The following IL1RAPL2 variants were observed in gnomAD, a reference collection of about 807,000 sequenced individuals.
IL1RAPL2 encodes the protein X-linked interleukin-1 receptor accessory protein-like 2.
IL1RAPL2 carries 3 observed loss-of-function variants against 44.1 expected under a neutral mutation model. The observed-to-expected ratio is 0.07, with a 90% CI of 0.03 to 0.18. The LOEUF (loss-of-function observed/expected upper bound fraction) is 0.18. IL1RAPL2 is among the 10% of genes least tolerant of loss of function. The probability of loss-of-function intolerance (pLI) is 1.00; values close to 1 mark genes in which losing one functional copy is unlikely to be tolerated. For missense variants in IL1RAPL2, 391 were observed against 496.4 expected (o/e 0.79, Z 2.02); for synonymous variants, 181 against 178.8 (o/e 1.01, Z -0.10).
At chrX:105,678,746 C>T (rs1000585106) in intron 6 of IL1RAPL2, among the ~76,000 whole-genome samples, 3 of 111,038 alleles carry the variant, frequency 2.7e-5, no homozygotes, top group South Asian at 3.7e-4. Context: ...AATTGCAACC[C>T]CCACCCAATC....
At chrX:105,471,737 T>G (rs2036167332) in intron 5 of IL1RAPL2, among the ~76,000 whole-genome samples, 1 of 111,357 alleles carries the variant, frequency 9.0e-6, no homozygotes, top group African/African-American at 3.3e-5. Flanking sequence ...GCCTTCATGT[T>G]AAAAGCATAG....
chrX:104,751,728 G>T (rs773850367), intron 2 of IL1RAPL2, among the ~76,000 whole-genome samples: 18 of 110,866 alleles, frequency 1.6e-4, no homozygotes, highest in Admixed American at 6.7e-4. Flanking sequence ...TGTATGCCAG[G>T]GTTAATATGA....
chrX:104,962,680 G>T (rs997137622), intron 2 of IL1RAPL2, among the ~76,000 whole-genome samples: 23 of 112,068 alleles, frequency 2.1e-4, no homozygotes, highest in African/African-American at 7.5e-4. Context: ...TCCTTTCCTG[G>T]GAGAAGACAC....
chrX:105,244,563 A>G (rs1191853658), intron 4 of IL1RAPL2, among the ~76,000 whole-genome samples: 1 of 110,974 alleles, frequency 9.0e-6, no homozygotes, highest in Non-Finnish European at 1.9e-5. Flanking sequence ...AAAACAGAAA[A>G]CCATGGAGCT....
chrX:104,581,733 C>T lies in IL1RAPL2; in HGVS notation c.-20+14682C>T, dbSNP rs1481570385. On this transcript the variant is annotated intron_variant, in intron 1 of 10. Transcript: ENST00000372582. ...CTAAGAACCCGATAGGCTTCATATACTATACTATTCGCTGGGAACTTCTGA... is the reference window on the plus strand; with the variant it reads ...CTAAGAACCCGATAGGCTTCATATATTATACTATTCGCTGGGAACTTCTGA... 2.7e-5 allele frequency among the ~76,000 whole-genome samples: 3 copies of T among 111,323 alleles called. No individual in the cohort carries two copies. The Admixed American group carries it at 2.9e-4, about 11-fold the overall frequency.
At chrX:104,748,983 C>A (rs1462793207) in intron 2 of IL1RAPL2, among the ~76,000 whole-genome samples, 3 of 110,209 alleles carry the variant, frequency 2.7e-5, no homozygotes, top group Non-Finnish European at 3.8e-5. Context: ...AAGGAGAAGG[C>A]AAATTGAGGA....
At chrX:105,163,430 A>G (rs547837331) in intron 2 of IL1RAPL2, among the ~76,000 whole-genome samples, 2 of 112,014 alleles carry the variant, frequency 1.8e-5, no homozygotes, top group South Asian at 7.5e-4. Context: ...GGTTTCTTCC[A>G]TTTATCTTCT....
At chrX:104,908,186 C>T (rs1299079442) in intron 2 of IL1RAPL2, among the ~76,000 whole-genome samples, 10 of 111,471 alleles carry the variant, frequency 9.0e-5, no homozygotes, top group Non-Finnish European at 1.1e-4. Context: ...TTATTTTGAG[C>T]CTATGTGTGT....
intron 2 of IL1RAPL2, among the ~76,000 whole-genome samples, chrX:105,174,214 C>G (rs2033452259): frequency 9.0e-6 from 1 of 111,475 alleles, no homozygotes; most frequent in African/African-American, 3.3e-5. Context: ...CTCATTCACC[C>G]TCATTCATCA....
intron 2 of IL1RAPL2, among the ~76,000 whole-genome samples, chrX:105,022,138 C>T (rs1048447473): frequency 5.4e-5 from 6 of 110,839 alleles, no homozygotes; most frequent in African/African-American, 2.0e-4. Context: ...GCATCCCATA[C>T]ATTATGTATA....
intron 6 of IL1RAPL2, among the ~76,000 whole-genome samples, chrX:105,513,079 C>T (rs973216065): frequency 3.4e-4 from 38 of 110,959 alleles, no homozygotes; most frequent in African/African-American, 1.2e-3. Context: ...TGATCCATGT[C>T]CCTGCAAAGG....
chrX:105,007,509 T>C (rs908095028), intron 2 of IL1RAPL2, among the ~76,000 whole-genome samples: 10 of 111,445 alleles, frequency 9.0e-5, no homozygotes, highest in East Asian at 2.8e-4. Context: ...GGAAACTCCA[T>C]CCTAATTTAA....
At chrX:104,602,447 C>A (rs1166874897) in intron 1 of IL1RAPL2, among the ~76,000 whole-genome samples, 2 of 111,204 alleles carry the variant, frequency 1.8e-5, no homozygotes, top group Non-Finnish European at 3.8e-5. Context: ...TTCTCCATAC[C>A]CCAATGGCAC....
rs1308666100 is a variant in IL1RAPL2, at chrX:104,585,768, C to A, written c.-20+18717C>A. The stretch of plus-strand genomic sequence containing the variant: ...TCCATCCATGTTGCTGCAAAGGACA[C>A]GATTTCATTCTTTTTTTATGGCTGC... On this transcript the variant is annotated intron_variant, in intron 1 of 10. Transcript: ENST00000372582. 2.7e-5 allele frequency among the ~76,000 whole-genome samples: 3 copies of A among 109,953 alleles called. No homozygotes were observed. The East Asian group carries it at 8.6e-4, about 32-fold the overall frequency.
chrX:105,127,787 T>C (rs1399205230), intron 2 of IL1RAPL2, among the ~76,000 whole-genome samples: 1 of 111,191 alleles, frequency 9.0e-6, no homozygotes, highest in Non-Finnish European at 1.9e-5. Flanking sequence ...TTTAACAGTA[T>C]TTCACAAGGA....
intron 1 of IL1RAPL2, among the ~76,000 whole-genome samples, chrX:104,576,867 C>T (rs1928252713): frequency 1.8e-5 from 2 of 111,824 alleles, no homozygotes; most frequent in Non-Finnish European, 3.8e-5. Context: ...TAGAGAAGTT[C>T]ATACCTGTGC....
At chrX:104,582,868 C>CTTTCTTTT (rs764062390) in intron 1 of IL1RAPL2, among the ~76,000 whole-genome samples, 1 of 61,709 alleles carries the variant, frequency 1.6e-5, no homozygotes, top group African/African-American at 6.9e-5. Flanking sequence ...TTCTTTCTTT[C>CTTTCTTTT]TTTTTCTTTT....
chrX:104,967,837 A>G (rs185705892), intron 2 of IL1RAPL2, among the ~76,000 whole-genome samples: 119 of 111,362 alleles, frequency 1.1e-3, no homozygotes, highest in Non-Finnish European at 2.0e-3. Context: ...TAACTTCCCT[A>G]GACAAACTAC....
chrX:104,700,132 T>C (rs1931251143), intron 2 of IL1RAPL2, among the ~76,000 whole-genome samples: 2 of 111,914 alleles, frequency 1.8e-5, no homozygotes, highest in Admixed American at 9.5e-5. Flanking sequence ...AATTAAACAA[T>C]CTAATGTACA....
Sources: allele counts gnomAD v4.1 joint callset (sites outside exome capture counted in the v4.1 genomes callset), GRCh38; gene constraint gnomAD v4.1.1; transcripts MANE v1.5; gene names NCBI Gene and HGNC (gene_info 2026-07-23, HGNC 2026-07-21).